The following SLC25A13 variants were observed in gnomAD, a reference collection of about 807,000 sequenced individuals.
SLC25A13 encodes the protein electrogenic aspartate/glutamate antiporter SLC25A13, mitochondrial.
In SLC25A13, 70 loss-of-function variants were observed where a neutral mutation model predicts 85.5. The ratio of observed to expected loss-of-function variants is 0.82; its 90% CI spans 0.68 to 1.00. The LOEUF (loss-of-function observed/expected upper bound fraction) is 1.00, where lower values mean the gene tolerates loss of function less well. SLC25A13 is among the 50% of genes least tolerant of loss of function. The probability of loss-of-function intolerance (pLI) is 0.00; values close to 1 mark genes in which losing one functional copy is unlikely to be tolerated. For synonymous variants in SLC25A13, 259 were observed against 288.7 expected, an observed-to-expected ratio of 0.90 and a Z score of 1.04; for missense variants, 765 against 819.8, an observed-to-expected ratio of 0.93 and a Z score of 0.82.
At chr7:96,271,989 G>A (rs1373715575) in intron 3 of SLC25A13, among the ~76,000 whole-genome samples, 1 of 152,038 alleles carries the variant, frequency 6.6e-6, no homozygotes, top group Admixed American at 6.6e-5. Flanking sequence ...GGGTTCAAGC[G>A]ATTCTCTTGC....
intron 1 of SLC25A13, among the ~76,000 whole-genome samples, chr7:96,320,416 A>T (rs1024727428): frequency 6.6e-6 from 1 of 152,218 alleles, no homozygotes; most frequent in Non-Finnish European, 1.5e-5. Flanking sequence ...TATTTACATT[A>T]CCTGCAGATA....
chr7:96,239,747 C>T (rs1286757479), intron 3 of SLC25A13, among the ~76,000 whole-genome samples: 2 of 152,136 alleles, frequency 1.3e-5, no homozygotes, highest in Non-Finnish European at 2.9e-5. Flanking sequence ...TCTAACTACT[C>T]TATTTCATGG....
intron 11 of SLC25A13, among the ~76,000 whole-genome samples, chr7:96,179,880 C>T (rs1442114597): frequency 6.6e-6 from 1 of 151,984 alleles, no homozygotes; most frequent in Non-Finnish European, 1.5e-5. Context: ...TTATTTTATC[C>T]CCATGAATTA....
chr7:96,223,249 T>C (rs896576727), intron 4 of SLC25A13, among the ~76,000 whole-genome samples: 1 of 152,206 alleles, frequency 6.6e-6, no homozygotes, highest in Non-Finnish European at 1.5e-5. Context: ...CCACCAACAC[T>C]TGTAATGAAA....
intron 2 of SLC25A13, among the ~76,000 whole-genome samples, chr7:96,295,063 T>C (rs1456452813): frequency 6.6e-6 from 1 of 152,192 alleles, no homozygotes; most frequent in African/African-American, 2.4e-5. Context: ...TGTTTTATTA[T>C]GAACATGTTC....
intron 3 of SLC25A13, among the ~76,000 whole-genome samples, chr7:96,248,228 T>C (rs374921666): frequency 3.9e-5 from 6 of 152,158 alleles, no homozygotes; most frequent in African/African-American, 7.2e-5. Flanking sequence ...TCAATGTTAA[T>C]TTTAAAGGAC....
intron 5 of SLC25A13, among the ~76,000 whole-genome samples, chr7:96,193,738 G>A (rs1268875845): frequency 1.3e-5 from 2 of 152,182 alleles, no homozygotes; most frequent in Non-Finnish European, 2.9e-5. Context: ...CGGGAGGGCT[G>A]TCGTGTGTAC....
chr7:96,130,789 A>G (rs765723876), intron 15 of SLC25A13, among the ~76,000 whole-genome samples: 2 of 152,218 alleles, frequency 1.3e-5, no homozygotes, highest in Admixed American at 6.5e-5. Context: ...AGGAAACAGT[A>G]GCCCTGCCTT....
chr7:96,276,615 C>T (rs1798459867), intron 3 of SLC25A13, among the ~76,000 whole-genome samples: 1 of 152,032 alleles, frequency 6.6e-6, no homozygotes, highest in South Asian at 2.1e-4. Context: ...AGAGTGAGAA[C>T]CTGCCTCAAA....
At position 96,270,510 on chromosome 7, in the gene SLC25A13, G is replaced by A. The variant is rs540166490; in HGVS notation, c.212+6686C>T. On this transcript the variant is annotated intron_variant, in intron 3 of 17. Transcript: ENST00000265631. ...GCAGAGGTTGCAATGATCTGAGATC[G>A]TGCCACTGCACCCCAGCCTGGGCAA... Among the ~76,000 whole-genome samples, 12 of 151,508 alleles carry A rather than the reference G, an allele frequency of 7.9e-5. No individual in the cohort carries two copies. In the South Asian group the frequency reaches 1.5e-3, roughly 18 times the overall value.
chr7:96,137,157 AC>A (rs1792322254), intron 14 of SLC25A13, among the ~76,000 whole-genome samples: 1 of 152,184 alleles, frequency 6.6e-6, no homozygotes, highest in Non-Finnish European at 1.5e-5. Flanking sequence ...GACCCCACCT[AC>A]ATGGCTGAGA....
intron 2 of SLC25A13, among the ~76,000 whole-genome samples, chr7:96,287,582 T>C (rs1049714668): frequency 6.6e-6 from 1 of 152,172 alleles, no homozygotes; most frequent in Non-Finnish European, 1.5e-5. Context: ...AAAGTGGATG[T>C]AGCAGCTGAC....
chr7:96,309,149 C>T (rs1453353444), intron 1 of SLC25A13, among the ~76,000 whole-genome samples: 1 of 152,188 alleles, frequency 6.6e-6, no homozygotes, highest in African/African-American at 2.4e-5. Context: ...GACAGGATAT[C>T]ACCCTCTTGT....
chr7:96,307,859 G>A (rs1467103916), intron 1 of SLC25A13, among the ~76,000 whole-genome samples: 1 of 151,864 alleles, frequency 6.6e-6, no homozygotes, highest in African/African-American at 2.4e-5. Flanking sequence ...ATTTAAATCT[G>A]ACTCCACTGC....
chr7:96,295,898 T>A (rs1799330159), intron 2 of SLC25A13, among the ~76,000 whole-genome samples: 1 of 151,454 alleles, frequency 6.6e-6, no homozygotes. Flanking sequence ...TATATACATA[T>A]ATATTATATG....
At position 96,123,252 on chromosome 7, in the gene SLC25A13, TG is replaced by T. The variant is rs555672800; in HGVS notation, c.1592-1256del. ...TCATTTGTAGGAATTATTTTAACTT[TG>T]GGCCAGGAATTTATCCTCCAACATA... On this transcript the variant is annotated intron_variant, in intron 15 of 17. Coordinates refer to ENST00000265631, the MANE Select transcript of SLC25A13 (RefSeq NM_014251.3). Among the ~76,000 whole-genome samples the T allele has an allele frequency of 2.0e-5, 3 of 152,316 alleles. No homozygotes were observed. The South Asian group carries it at 6.2e-4, about 32-fold the overall frequency.
At chr7:96,170,234 G>C in intron 12 of SLC25A13, 109 bp from the exon 13 acceptor site, 1 of 953,070 alleles carries the variant, frequency 1.0e-6, no homozygotes, top group Non-Finnish European at 1.7e-6. Context: ...CAGTCTATTG[G>C]AGTAATCATA....
At chr7:96,261,972 A>T (rs1016080651) in intron 3 of SLC25A13, among the ~76,000 whole-genome samples, 1 of 152,186 alleles carries the variant, frequency 6.6e-6, no homozygotes, top group African/African-American at 2.4e-5. Context: ...CTGCGATAAA[A>T]GCATTAATAT....
At chr7:96,183,256 C>T (rs1160141702) in intron 11 of SLC25A13, among the ~76,000 whole-genome samples, 1 of 152,122 alleles carries the variant, frequency 6.6e-6, no homozygotes, top group African/African-American at 2.4e-5. Context: ...GACTTTCTGG[C>T]TTCTAAGGTG....
Sources: allele counts gnomAD v4.1 joint callset (sites outside exome capture counted in the v4.1 genomes callset), GRCh38; gene constraint gnomAD v4.1.1; transcripts MANE v1.5; gene names NCBI Gene and HGNC (gene_info 2026-07-23, HGNC 2026-07-21).